The following ESR1 variants were observed in gnomAD, a reference collection of about 807,000 sequenced individuals.
The protein encoded by ESR1 is estrogen receptor 1.
ESR1 carries 12 observed loss-of-function variants against 52.7 expected under a neutral mutation model. That is an observed-to-expected ratio of 0.23 (90% confidence interval 0.15 to 0.37). The LOEUF (loss-of-function observed/expected upper bound fraction) is 0.37. Ranked by LOEUF, ESR1 falls within the 10% of genes least tolerant of loss-of-function variation. The pLI is 1.00. For missense variants in ESR1, 584 were observed against 779.7 expected (o/e 0.75, Z 2.99); for synonymous variants, 305 against 316.8 (o/e 0.96, Z 0.39).
intron 3 of ESR1, among the ~76,000 whole-genome samples, chr6:151,911,988 T>C (rs1341838016): frequency 1.3e-5 from 2 of 152,218 alleles, no homozygotes; most frequent in Non-Finnish European, 2.9e-5. Context: ...TAAATGAATT[T>C]AAATTAAATA....
At chr6:151,847,405 T>G in intron 2 of ESR1, among the ~76,000 whole-genome samples, 1 of 151,934 alleles carries the variant, frequency 6.6e-6, no homozygotes, top group Non-Finnish European at 1.5e-5. Flanking sequence ...GCACCTGTTG[T>G]TTCCTGACTT....
intron 2 of ESR1, among the ~76,000 whole-genome samples, chr6:151,852,799 T>C (rs1787051768): frequency 6.6e-6 from 1 of 152,078 alleles, no homozygotes; most frequent in Non-Finnish European, 1.5e-5. Context: ...CTATGGAGGC[T>C]GAGGGCAGCA....
intron 1 of ESR1, among the ~76,000 whole-genome samples, chr6:151,657,406 T>A (rs2115185253): frequency 6.6e-6 from 1 of 152,318 alleles, no homozygotes; most frequent in African/African-American, 2.4e-5. Context: ...ATATTTTGGG[T>A]AACAATTGTA....
At chr6:151,887,105 A>T (rs975971023) in intron 3 of ESR1, among the ~76,000 whole-genome samples, 3 of 152,104 alleles carry the variant, frequency 2.0e-5, no homozygotes, top group African/African-American at 7.2e-5. Context: ...AAATTAATAA[A>T]TTAAAAATGT....
intron 4 of ESR1, among the ~76,000 whole-genome samples, chr6:151,985,737 G>A (rs1185951601): frequency 6.6e-6 from 1 of 151,796 alleles, no homozygotes; most frequent in South Asian, 2.1e-4. Flanking sequence ...GCATGTTTTC[G>A]GCTCACTGCA....
chr6:151,825,238 G>A (rs748776920), intron 1 of ESR1, among the ~76,000 whole-genome samples: 19 of 152,064 alleles, frequency 1.2e-4, no homozygotes, highest in African/African-American at 2.7e-4. Flanking sequence ...GAGCTTGATC[G>A]TGACTCTGGT....
At chr6:151,711,435 A>G (rs1780601096) in intron 2 of ESR1, among the ~76,000 whole-genome samples, 1 of 152,004 alleles carries the variant, frequency 6.6e-6, no homozygotes, top group African/African-American at 2.4e-5. Flanking sequence ...GTTAGCCAGG[A>G]TGGTCTCGAT....
chr6:151,783,383 A>G (rs1002847528), intron 2 of ESR1, among the ~76,000 whole-genome samples: 19 of 152,216 alleles, frequency 1.2e-4, no homozygotes, highest in African/African-American at 4.6e-4. Context: ...CCATTGGTAC[A>G]TGCAGGGCAA....
chr6:151,939,759 A>G (rs767937414), intron 3 of ESR1, among the ~76,000 whole-genome samples: 5 of 152,118 alleles, frequency 3.3e-5, no homozygotes, highest in African/African-American at 4.8e-5. Context: ...GCAGTTGGCC[A>G]TATAATATTT....
chr6:151,867,414 T>TACACACACACACACACACAC (rs34943625), intron 2 of ESR1, among the ~76,000 whole-genome samples: 2 of 147,458 alleles, frequency 1.4e-5, no homozygotes, highest in African/African-American at 5.0e-5. Flanking sequence ...TCAACAAATT[T>TACACACACACACACACACAC]ACACACACAC....
At position 151,664,049 on chromosome 6, in the gene ESR1, G is replaced by A. The variant is rs879295585; in HGVS notation, n.73+7286G>A. 3.3e-5 allele frequency among the ~76,000 whole-genome samples: 5 copies of A among 152,042 alleles called. No homozygotes were observed. The East Asian group carries it at 5.8e-4, about 18-fold the overall frequency. On this transcript the variant is annotated intron_variant and non_coding_transcript_variant, in intron 1 of 2. Transcript: ENST00000473497. ...TTTAGCAGTGTTTCCACTGCCCTTT[G>A]TTTTATATTCTTTGATGCCATCCCA...
chr6:151,972,814 G>A (rs1422239301), intron 4 of ESR1, among the ~76,000 whole-genome samples: 1 of 152,196 alleles, frequency 6.6e-6, no homozygotes, highest in Non-Finnish European at 1.5e-5. Context: ...GCCAGTCCAA[G>A]TCCCAAAACC....
Position 151,693,522 on chromosome 6 carries a change from A to G in ESR1, c.-202+2858A>G, listed in dbSNP as rs532244576. On this transcript the variant is annotated intron_variant, in intron 1 of 2. Transcript: ENST00000404742. ...AAATCTTGCTGAGATGAGCGTGTCA[A>G]AAACGTGTTACAAATGCTTCACATT... 1.3e-4 allele frequency among the ~76,000 whole-genome samples: 20 copies of G among 152,330 alleles called. No homozygotes were observed. In the South Asian group the frequency reaches 3.7e-3, roughly 28 times the overall value.
intron 5 of ESR1, among the ~76,000 whole-genome samples, chr6:152,028,110 C>T (rs1482800055): frequency 2.0e-5 from 3 of 152,130 alleles, no homozygotes; most frequent in Non-Finnish European, 4.4e-5. Flanking sequence ...CGCCATTGCA[C>T]TCCAGCCTTG....
At chr6:151,713,196 T>C (rs1024110356) in intron 2 of ESR1, among the ~76,000 whole-genome samples, 1 of 152,200 alleles carries the variant, frequency 6.6e-6, no homozygotes, top group South Asian at 2.1e-4. Flanking sequence ...GCTGACTTGA[T>C]TGTGGTGGAC....
intron 4 of ESR1, among the ~76,000 whole-genome samples, chr6:151,988,433 C>A (rs960425812): frequency 6.6e-6 from 1 of 152,072 alleles, no homozygotes; most frequent in South Asian, 2.1e-4. Context: ...GCTGTAAATA[C>A]AGATGAAGCT....
chr6:151,657,536 G>A (rs956548907), intron 1 of ESR1, among the ~76,000 whole-genome samples: 1 of 152,170 alleles, frequency 6.6e-6, no homozygotes, highest in African/African-American at 2.4e-5. Context: ...TACTGAAGTG[G>A]ATCTACCATG....
chr6:151,744,727 T>A (rs181025116), intron 2 of ESR1, among the ~76,000 whole-genome samples: 5 of 152,298 alleles, frequency 3.3e-5, no homozygotes, highest in Admixed American at 1.3e-4. Flanking sequence ...TGAAAAACAG[T>A]TTGTATATCT....
chr6:151,791,374 C>T (rs1776141082), intron 2 of ESR1, among the ~76,000 whole-genome samples: 1 of 152,300 alleles, frequency 6.6e-6, no homozygotes, highest in Non-Finnish European at 1.5e-5. Flanking sequence ...TTCACGAGCT[C>T]TCTTGCCTGC....
Sources: gnomAD v4.1 joint callset for allele counts (sites outside exome capture counted in the v4.1 genomes callset) on GRCh38, gnomAD v4.1.1 for gene constraint, MANE v1.5 for transcripts, NCBI Gene and HGNC (gene_info 2026-07-23, HGNC 2026-07-21) for gene names.